The following PCDHA5 variants were observed in gnomAD, a reference collection of about 807,000 sequenced individuals.
PCDHA5 encodes the protein protocadherin alpha-5.
In PCDHA5, 43 loss-of-function variants were observed where a neutral mutation model predicts 61.6. The observed-to-expected ratio is 0.70, with a 90% CI of 0.55 to 0.90. The LOEUF is 0.90. PCDHA5 is among the 40% of genes least tolerant of loss of function. PCDHA5 has a pLI of 0.00. For synonymous variants in PCDHA5, 627 were observed against 543.9 expected (o/e 1.15, Z -2.13); for missense variants, 1,298 against 1,222.7 (o/e 1.06, Z -0.92).
Position 140,886,603 on chromosome 5 carries a change from G to GGATCAGGA in PCDHA5, c.2352+62486_2352+62493dup, listed in dbSNP as rs567691866. On this transcript the variant is annotated intron_variant, in intron 1 of 3. Coordinates refer to ENST00000529859, the MANE Select transcript of PCDHA5 (RefSeq NM_018908.3). ...AGCACTTTGGGAGGCCAAGGTGGGC[G>GGATCAGGA]GATCAGGAGATCAGGAGTCCGAGAC... 2.7e-3 allele frequency among the ~76,000 whole-genome samples: 409 copies of GGATCAGGA among 152,092 alleles called. 3 individuals carry two copies. The highest frequency in any genetic ancestry group is 0.014 in the Middle Eastern group (4 of 294).
At chr5:140,975,093 T>C (rs578045924) in intron 1 of PCDHA5, among the ~76,000 whole-genome samples, 2 of 152,266 alleles carry the variant, frequency 1.3e-5, no homozygotes, top group South Asian at 2.1e-4. Context: ...ATCCAGTTGT[T>C]TGGGGACTGA....
chr5:140,953,607 G>A (rs1040886184), intron 1 of PCDHA5, among the ~76,000 whole-genome samples: 21 of 152,152 alleles, frequency 1.4e-4, no homozygotes, highest in African/African-American at 4.8e-4. Flanking sequence ...ATTCCCCAGA[G>A]TCCTTAGATA....
chr5:140,884,229 A>T (rs2060058344), intron 1 of PCDHA5: 2 of 1,613,258 alleles, frequency 1.2e-6, no homozygotes. Flanking sequence ...GTGAAGGACC[A>T]CGGTGAGCCC....
rs2150372271 is a variant in PCDHA5, at chr5:140,844,591, T to C, written c.2352+20464T>C. ...TAATATTCCACATTAAAGTGATATT[T>C]AATATATGACTTAGAAAAATGTTTT... On this transcript the variant is annotated intron_variant, in intron 1 of 3. Transcript: ENST00000529859. Among the ~76,000 whole-genome samples the C allele has an allele frequency of 8.0e-5, 12 of 149,484 alleles. 2 individuals carry two copies. Among genetic ancestry groups the C allele is most frequent in the Non-Finnish European group, 1.6e-4 (11 of 66,840 alleles).
At chr5:140,957,556 A>G (rs1364343526) in intron 1 of PCDHA5, among the ~76,000 whole-genome samples, 1 of 152,150 alleles carries the variant, frequency 6.6e-6, no homozygotes, top group African/African-American at 2.4e-5. Flanking sequence ...TCTCTGTGGA[A>G]AAGGAGGGAC....
intron 1 of PCDHA5, chr5:140,852,607 C>A: frequency 1.1e-6 from 1 of 915,386 alleles, no homozygotes; most frequent in Non-Finnish European, 1.3e-6. Context: ...CATTTTCTTT[C>A]AAAACTTGAG....
rs147962839 is a variant in PCDHA5 at position 140,828,760 on chromosome 5, A to T, written c.2352+4633A>T. ...CAGATGGGGGCAAACCTGAGCTCAC[A>T]GGCACTGTTCAGCTGCTGGTCACAG... On this transcript the variant is annotated intron_variant, in intron 1 of 3. Coordinates refer to ENST00000529859, the MANE Select transcript of PCDHA5 (RefSeq NM_018908.3). The T allele has an allele frequency of 5.1e-5, 83 of 1,614,194 alleles. No homozygotes were observed. The African/African-American group carries it at 7.9e-4, about 15-fold the overall frequency.
chr5:140,898,246 A>G (rs377438166), intron 1 of PCDHA5, among the ~76,000 whole-genome samples: 49 of 152,286 alleles, frequency 3.2e-4, no homozygotes, highest in African/African-American at 1.1e-3. Context: ...TTGGTGTTTT[A>G]GACATGAAGT....
Position 140,916,518 on chromosome 5 carries a change from T to A in PCDHA5, c.2353-62431T>A, listed in dbSNP as rs187386381. Among the ~76,000 whole-genome samples the A allele has an allele frequency of 2.6e-5, 4 of 152,306 alleles. No homozygotes were observed. The East Asian group carries it at 7.7e-4, about 29-fold the overall frequency. ...AGCAGGTGATTAATCTTGCCAAGACTGGGTCCTTCCCACCAAGGCAATGGG... is the reference window on the plus strand; with the variant it reads ...AGCAGGTGATTAATCTTGCCAAGACAGGGTCCTTCCCACCAAGGCAATGGG... On this transcript the variant is annotated intron_variant, in intron 1 of 3. Coordinates refer to ENST00000529859, the MANE Select transcript of PCDHA5 (RefSeq NM_018908.3).
chr5:140,928,513 A>G lies in PCDHA5; in HGVS notation c.2353-50436A>G, dbSNP rs781867292. On this transcript the variant is annotated intron_variant, in intron 1 of 3. Transcript: ENST00000529859. ...TCCTCCCAGAAGTGCAACAGTGACTATAAACTTGTTTGTGGTAGATAGGAA... is the reference window on the plus strand; with the variant it reads ...TCCTCCCAGAAGTGCAACAGTGACTGTAAACTTGTTTGTGGTAGATAGGAA... 1.4e-5 allele frequency: 23 copies of G among 1,614,064 alleles called. No individual in the cohort carries two copies. In the African/African-American group the frequency reaches 2.8e-4, roughly 20 times the overall value.
chr5:140,871,695 T>C (rs1250599377), intron 1 of PCDHA5: 7 of 974,792 alleles, frequency 7.2e-6, no homozygotes, highest in Non-Finnish European at 8.8e-6. Flanking sequence ...CTGGCTTCTT[T>C]AACCAATAAA....
intron 1 of PCDHA5, among the ~76,000 whole-genome samples, chr5:140,840,138 T>C (rs1477164844): frequency 2.6e-5 from 4 of 151,960 alleles, no homozygotes; most frequent in Non-Finnish European, 4.4e-5. Flanking sequence ...GGACAGAAAT[T>C]ATCACACGTG....
chr5:140,954,184 T>C (rs2094994216), intron 1 of PCDHA5, among the ~76,000 whole-genome samples: 1 of 152,236 alleles, frequency 6.6e-6, no homozygotes, highest in Non-Finnish European at 1.5e-5. Flanking sequence ...CAGTCTATCA[T>C]TGATGGGCAT....
chr5:140,843,456 T>G (rs2150360448), intron 1 of PCDHA5: 3 of 1,595,898 alleles, frequency 1.9e-6, no homozygotes, highest in Admixed American at 3.4e-5. Flanking sequence ...AGCCTGCTGG[T>G]GCTCACGCTG....
At chr5:140,824,411 A>C (rs1768110610) in intron 1 of PCDHA5, 1 of 522,138 alleles carries the variant, frequency 1.9e-6, no homozygotes, top group East Asian at 3.2e-5. Context: ...TGTAAGACAT[A>C]GTTTGGAGTC....
At chr5:140,830,696 C>T (rs2150102603) in intron 1 of PCDHA5, 2 of 283,892 alleles carry the variant, frequency 7.0e-6, no homozygotes, top group East Asian at 1.4e-4. Flanking sequence ...CAATCTGCAC[C>T]TCAGAATTTT....
intron 1 of PCDHA5, among the ~76,000 whole-genome samples, chr5:140,891,866 T>C (rs2063289213): frequency 6.6e-6 from 1 of 152,184 alleles, no homozygotes; most frequent in Non-Finnish European, 1.5e-5. Flanking sequence ...TCTCTTATGC[T>C]TTTGGCTCTG....
intron 1 of PCDHA5, chr5:140,869,581 GC>G: frequency 6.2e-7 from 1 of 1,614,134 alleles, no homozygotes; most frequent in Non-Finnish European, 8.5e-7. Flanking sequence ...AGCTTCTGAT[GC>G]TGACATTGAA....
chr5:140,875,695 C>T (rs782520558), intron 1 of PCDHA5: 4 of 1,613,962 alleles, frequency 2.5e-6, no homozygotes, highest in East Asian at 2.2e-5. Context: ...CGGGGACCTT[C>T]TGGAGGTAAA....
Sources: allele counts gnomAD v4.1 joint callset (sites outside exome capture counted in the v4.1 genomes callset), GRCh38; gene constraint gnomAD v4.1.1; transcripts MANE v1.5; gene names NCBI Gene and HGNC (gene_info 2026-07-23, HGNC 2026-07-21).